SMARCC1: variants seen among roughly 807,000 people sequenced by gnomAD.
SMARCC1 encodes SWI/SNF related BAF chromatin remodeling complex subunit C1.
A neutral mutation model predicts 147.4 loss-of-function variants in SMARCC1; 43 were observed. That is an observed-to-expected ratio of 0.29 (90% CI 0.23 to 0.38). The LOEUF (loss-of-function observed/expected upper bound fraction) is 0.38, where lower values mean the gene tolerates loss of function less well. Ranked by LOEUF, SMARCC1 falls within the 10% of genes least tolerant of loss-of-function variation. The pLI, the probability that SMARCC1 is intolerant of heterozygous loss-of-function variation, is 1.00. For synonymous variants in SMARCC1, 495 were observed against 484.4 expected (o/e 1.02, Z -0.29); for missense variants, 1,119 against 1,381.1 (o/e 0.81, Z 3.01).
rs2033936430 is a variant in SMARCC1, at chr3:47,702,548, G to A, written c.1041-1146C>T. On this transcript the variant is annotated intron_variant, in intron 10 of 27. Coordinates refer to ENST00000254480, the MANE Select transcript of SMARCC1 (RefSeq NM_003074.4). The stretch of plus-strand genomic sequence containing the variant: ...AGGCAGAAGAATTGCTCGAGGCCAG[G>A]AGTTCGAGACCAGCCTCGGAAACAG... Among the ~76,000 whole-genome samples the A allele has an allele frequency of 2.6e-5, 4 of 152,162 alleles. No individual in the cohort carries two copies. The South Asian group carries it at 8.3e-4, about 32-fold the overall frequency.
intron 25 of SMARCC1, among the ~76,000 whole-genome samples, chr3:47,616,130 G>A (rs916373191): frequency 3.9e-5 from 6 of 152,136 alleles, no homozygotes; most frequent in Non-Finnish European, 8.8e-5. Flanking sequence ...AAATGTAAAC[G>A]GCTTATGTGG....
chr3:47,673,887 G>A (rs1437347407), intron 18 of SMARCC1, among the ~76,000 whole-genome samples: 1 of 152,134 alleles, frequency 6.6e-6, no homozygotes, highest in African/African-American at 2.4e-5. Flanking sequence ...TGTAACCATA[G>A]GTTAGTTTTT....
chr3:47,617,647 A>T (rs2032665261), intron 25 of SMARCC1, among the ~76,000 whole-genome samples: 1 of 152,216 alleles, frequency 6.6e-6, no homozygotes, highest in South Asian at 2.1e-4. Flanking sequence ...TGCTTCCCAC[A>T]GGGAAGGATA....
At position 47,686,154 on chromosome 3, in the gene SMARCC1, G is replaced by C. The variant is rs781154095; in HGVS notation, c.1280C>G (p.Ala427Gly). 3 of 1,612,126 alleles carry C rather than the reference G, an allele frequency of 1.9e-6. No individual in the cohort carries two copies. The South Asian group carries it at 3.3e-5, about 18-fold the overall frequency. The change falls in exon 14 of 28, where the codon GCC becomes GGC. Residue 427 changes from alanine (A) to glycine (G), a missense_variant. Transcript: ENST00000254480. The stretch of plus-strand genomic sequence containing the variant: ...AACTGATCGACTCTGATCACCTTTG[G>C]CAGGATCTTCATCTTCCTATAGAAA... The part of the protein sequence containing the change: ...TAGGKEDEDP[A>G]KGDQSRSVDL...
intron 26 of SMARCC1, among the ~76,000 whole-genome samples, chr3:47,605,123 A>G (rs1473106592): frequency 1.3e-5 from 2 of 152,254 alleles, no homozygotes; most frequent in Non-Finnish European, 2.9e-5. Context: ...GAACTCTCAC[A>G]TACTGCTAGA....
In SMARCC1 at chr3:47,670,042, G is replaced by A. The variant is rs147109453; in HGVS notation, c.1899+616C>T. ...CCAGGCAATGACACCAATTGTCTTAGTAGTCACTTTATTTCTAATTGTCAC... is the reference window on the plus strand; with the variant it reads ...CCAGGCAATGACACCAATTGTCTTAATAGTCACTTTATTTCTAATTGTCAC... On this transcript the variant is annotated intron_variant, in intron 19 of 27. Transcript: ENST00000254480. 5.6e-3 allele frequency among the ~76,000 whole-genome samples: 847 copies of A among 152,342 alleles called. 4 individuals carry two copies. Among genetic ancestry groups the A allele is most frequent in the African/African-American group, 0.02 (812 of 41,570 alleles).
At chr3:47,615,113 C>A (rs2032620221) in intron 25 of SMARCC1, among the ~76,000 whole-genome samples, 1 of 152,182 alleles carries the variant, frequency 6.6e-6, no homozygotes, top group Non-Finnish European at 1.5e-5. Flanking sequence ...CCCTTCCCTG[C>A]CACTCCTAAT....
intron 11 of SMARCC1, 152 bp downstream of exon 11, chr3:47,701,126 A>G: frequency 1.8e-6 from 1 of 562,374 alleles, no homozygotes; most frequent in Non-Finnish European, 3.0e-6. Context: ...CAAATGATTA[A>G]AGAAAATTAA....
intron 1 of SMARCC1, among the ~76,000 whole-genome samples, chr3:47,774,308 C>G (rs2034949168): frequency 6.7e-6 from 1 of 150,328 alleles, no homozygotes; most frequent in Non-Finnish European, 1.5e-5. Flanking sequence ...CCCGTCTCCA[C>G]TAAAAAACAA....
chr3:47,762,459 C>G (rs1312004998), intron 2 of SMARCC1, among the ~76,000 whole-genome samples: 2 of 152,174 alleles, frequency 1.3e-5, no homozygotes, highest in Non-Finnish European at 2.9e-5. Flanking sequence ...TCAAAGGTGT[C>G]AGAAAGAGAT....
chr3:47,634,786 TG>T (rs2032946727), intron 24 of SMARCC1, among the ~76,000 whole-genome samples: 1 of 152,184 alleles, frequency 6.6e-6, no homozygotes, highest in South Asian at 2.1e-4. Context: ...AAGATCAGGG[TG>T]AAGTATTTAG....
intron 2 of SMARCC1, among the ~76,000 whole-genome samples, chr3:47,758,198 C>A (rs2034725977): frequency 6.6e-6 from 1 of 152,094 alleles, no homozygotes; most frequent in Non-Finnish European, 1.5e-5. Context: ...CTACTCACTG[C>A]AGCCTTCAAC....
chr3:47,776,673 T>C (rs982455280), intron 1 of SMARCC1, among the ~76,000 whole-genome samples: 1 of 152,100 alleles, frequency 6.6e-6, no homozygotes, highest in African/African-American at 2.4e-5. Context: ...AAAAAGACAA[T>C]GTCCTTGAAA....
At chr3:47,631,085 A>T (rs1437679085) in intron 24 of SMARCC1, among the ~76,000 whole-genome samples, 1 of 152,102 alleles carries the variant, frequency 6.6e-6, no homozygotes, top group Non-Finnish European at 1.5e-5. Context: ...CAAGAGAGTG[A>T]GAGAAAGAAA....
chr3:47,659,393 A>C (rs1203779180), intron 21 of SMARCC1, among the ~76,000 whole-genome samples: 1 of 151,966 alleles, frequency 6.6e-6, no homozygotes, highest in Non-Finnish European at 1.5e-5. Flanking sequence ...ACTATAAACA[A>C]TATATGAATA....
At chr3:47,706,873 C>A (rs947906263) in intron 9 of SMARCC1, among the ~76,000 whole-genome samples, 3 of 152,184 alleles carry the variant, frequency 2.0e-5, no homozygotes, top group Admixed American at 1.3e-4. Context: ...GTGAAATACA[C>A]TCTACTAAAC....
At chr3:47,684,978 CAGA>C (rs1274790199) in intron 14 of SMARCC1, among the ~76,000 whole-genome samples, 3 of 152,076 alleles carry the variant, frequency 2.0e-5, no homozygotes, top group African/African-American at 7.2e-5. Flanking sequence ...ATTTCATGAA[CAGA>C]AGATTTGTTC....
intron 1 of SMARCC1, among the ~76,000 whole-genome samples, chr3:47,777,948 G>A (rs1023661827): frequency 3.3e-5 from 5 of 151,628 alleles, no homozygotes; most frequent in Non-Finnish European, 7.4e-5. Context: ...GCTCATGCCT[G>A]TAATCCCAGT....
At chr3:47,713,485 T>C (rs768207765) in intron 8 of SMARCC1, among the ~76,000 whole-genome samples, 2 of 152,046 alleles carry the variant, frequency 1.3e-5, no homozygotes, top group Admixed American at 6.6e-5. Context: ...AGTGAAGTGG[T>C]TGCAATCACG....
Sources: allele counts gnomAD v4.1 joint callset (sites outside exome capture counted in the v4.1 genomes callset), GRCh38; gene constraint gnomAD v4.1.1; transcripts MANE v1.5; gene names NCBI Gene and HGNC (gene_info 2026-07-23, HGNC 2026-07-21).